The following IKZF3 variants were observed in gnomAD, a reference collection of about 807,000 sequenced individuals.
IKZF3 encodes the protein IKAROS family zinc finger 3.
A neutral mutation model predicts 49.0 loss-of-function variants in IKZF3; 10 were observed. The observed-to-expected ratio is 0.20, with a 90% CI of 0.13 to 0.35. The LOEUF (loss-of-function observed/expected upper bound fraction) is 0.35. Ranked by LOEUF, IKZF3 falls within the 10% of genes least tolerant of loss-of-function variation. The pLI is 1.00. For missense variants in IKZF3, 498 were observed against 664.8 expected (o/e 0.75, Z 2.76); for synonymous variants, 209 against 228.2 (o/e 0.92, Z 0.76).
At chr17:39,828,048 C>T (rs1349307668) in intron 3 of IKZF3, among the ~76,000 whole-genome samples, 3 of 152,012 alleles carry the variant, frequency 2.0e-5, no homozygotes, top group African/African-American at 7.2e-5. Context: ...TCTTTTTTTC[C>T]TTCCCTACAT....
At chr17:39,800,982 T>C (rs17607816) in intron 3 of IKZF3, among the ~76,000 whole-genome samples, 3,286 of 152,288 alleles carry the variant, frequency 0.022, 65 homozygotes, top group Non-Finnish European at 0.028. Context: ...TTGGAGAGCA[T>C]GTTGATACTA....
intron 3 of IKZF3, 45 bp downstream of exon 3, chr17:39,829,342 C>T: frequency 7.6e-7 from 1 of 1,321,068 alleles, no homozygotes; most frequent in Non-Finnish European, 1.1e-6. Context: ...TAAGCCTAAG[C>T]AATATCTACA....
At chr17:39,778,111 ATTC>A in intron 6 of IKZF3, 1 of 1,009,048 alleles carries the variant, frequency 9.9e-7, no homozygotes, top group Non-Finnish European at 1.2e-6. Flanking sequence ...CTTCTTTCTG[ATTC>A]TGAGTAACTG....
chr17:39,768,263 A>G (rs1250612573), intron 7 of IKZF3, among the ~76,000 whole-genome samples: 2 of 152,212 alleles, frequency 1.3e-5, no homozygotes, highest in African/African-American at 4.8e-5. Context: ...TGGGGAAGGG[A>G]AAGCATTCTT....
At chr17:39,846,851 A>G (rs2062647675) in intron 1 of IKZF3, among the ~76,000 whole-genome samples, 1 of 152,036 alleles carries the variant, frequency 6.6e-6, no homozygotes, top group African/African-American at 2.4e-5. Flanking sequence ...TTTTCCCAGT[A>G]GGAAGTATAA....
chr17:39,760,976 C>T lies in IKZF3; in HGVS notation c.*4814G>A, dbSNP rs747023676. ...GACTAGCCTGGGCAGTATGGCGAAA[C>T]GCCATCTCTGCAGAAAAATACAAAA... On this transcript the variant is annotated 3_prime_UTR_variant, in exon 8 of 8. Coordinates refer to ENST00000346872, the MANE Select transcript of IKZF3 (RefSeq NM_012481.5). 4 of 152,260 alleles carry T rather than the reference C, an allele frequency of 2.6e-5. No homozygotes were observed. The highest frequency in any genetic ancestry group is 2.1e-4 in the South Asian group (1 of 4,832). The allele number at this position is 152,260 out of a possible 1,614,324, so 9.4% of individuals were successfully genotyped here.
At chr17:39,808,053 T>C (rs1360964912) in intron 3 of IKZF3, among the ~76,000 whole-genome samples, 4 of 152,134 alleles carry the variant, frequency 2.6e-5, no homozygotes. Flanking sequence ...AAGAAATCTA[T>C]ACAGATAAAC....
chr17:39,841,182 A>AG (rs201280454), intron 1 of IKZF3, among the ~76,000 whole-genome samples: 5,321 of 152,044 alleles, frequency 0.035, 324 homozygotes, highest in African/African-American at 0.12. Context: ...CTGGAACAAA[A>AG]AAAAAAAGGC....
At position 39,777,818 on chromosome 17, in the gene IKZF3, G is replaced by T. The variant is rs370748325; in HGVS notation, c.710-51C>A. 18 of 1,582,828 alleles carry T rather than the reference G, an allele frequency of 1.1e-5. No individual in the cohort carries two copies. The East Asian group carries it at 2.2e-4, about 20-fold the overall frequency. Reference sequence around the variant, plus strand: ...GAGAGAAAAGAACACATTGGTACATGGGGAGAAAAGGAAATAAACTGGAAG... The same window carrying T: ...GAGAGAAAAGAACACATTGGTACATTGGGAGAAAAGGAAATAAACTGGAAG... On this transcript the variant is annotated intron_variant, in intron 6 of 7. Coordinates refer to ENST00000346872, the MANE Select transcript of IKZF3 (RefSeq NM_012481.5).
intron 3 of IKZF3, among the ~76,000 whole-genome samples, chr17:39,796,906 T>TCACACCCAAA (rs1475197084): frequency 6.6e-6 from 1 of 150,828 alleles, no homozygotes; most frequent in Non-Finnish European, 1.5e-5. Context: ...GGCTCACACC[T>TCACACCCAAA]GTAATTCCAG....
At chr17:39,842,619 A>G (rs1410786678) in intron 1 of IKZF3, among the ~76,000 whole-genome samples, 1 of 152,192 alleles carries the variant, frequency 6.6e-6, no homozygotes, top group Non-Finnish European at 1.5e-5. Flanking sequence ...TGGGAAAAAA[A>G]CAGAAATTCA....
chr17:39,858,804 T>TTTG (rs951111102), intron 1 of IKZF3, among the ~76,000 whole-genome samples: 11 of 151,914 alleles, frequency 7.2e-5, no homozygotes, highest in South Asian at 6.2e-4. Context: ...ACTTACATTT[T>TTTG]TTGTTGTTGT....
chr17:39,848,898 G>C (rs570723785), intron 1 of IKZF3, among the ~76,000 whole-genome samples: 1 of 152,166 alleles, frequency 6.6e-6, no homozygotes, highest in East Asian at 1.9e-4. Context: ...GCCCAGGCTG[G>C]TTTTAAACTC....
At chr17:39,813,528 C>T (rs2061609843) in intron 3 of IKZF3, among the ~76,000 whole-genome samples, 1 of 151,604 alleles carries the variant, frequency 6.6e-6, no homozygotes, top group Non-Finnish European at 1.5e-5. Flanking sequence ...ACTGTAGTCA[C>T]AGCTACTCTG....
chr17:39,778,289 G>T, intron 6 of IKZF3: 1 of 626,104 alleles, frequency 1.6e-6, no homozygotes, highest in Non-Finnish European at 2.0e-6. Flanking sequence ...ATTCTGAGTG[G>T]TTTCTTTCTT....
At chr17:39,863,709 T>C (rs2063279338) in intron 1 of IKZF3, among the ~76,000 whole-genome samples, 1 of 152,126 alleles carries the variant, frequency 6.6e-6, no homozygotes, top group African/African-American at 2.4e-5. Flanking sequence ...TATGACACCA[T>C]TTACCCTTGG....
rs1218087826 is a variant in IKZF3, at chr17:39,848,528, T to C, written c.7+15592A>G. 3.3e-5 allele frequency among the ~76,000 whole-genome samples: 5 copies of C among 152,232 alleles called. No homozygotes were observed. The East Asian group carries it at 7.7e-4, about 23-fold the overall frequency. Reference sequence around the variant, plus strand: ...GAAATGAAGACTTGTTTTATAACTGTAAAATGCCTAGTTTTATAACTGTAA... The same window carrying C: ...GAAATGAAGACTTGTTTTATAACTGCAAAATGCCTAGTTTTATAACTGTAA... On this transcript the variant is annotated intron_variant, in intron 1 of 7. Coordinates refer to ENST00000346872, the MANE Select transcript of IKZF3 (RefSeq NM_012481.5).
chr17:39,776,008 C>T (rs1462599626), intron 7 of IKZF3, among the ~76,000 whole-genome samples: 1 of 152,078 alleles, frequency 6.6e-6, no homozygotes, highest in Non-Finnish European at 1.5e-5. Flanking sequence ...GATGTCCCTC[C>T]TCTTGTCGGC....
At chr17:39,808,466 A>T (rs770730495) in intron 3 of IKZF3, among the ~76,000 whole-genome samples, 1 of 152,240 alleles carries the variant, frequency 6.6e-6, no homozygotes, top group African/African-American at 2.4e-5. Flanking sequence ...GCTAAAATTC[A>T]TAAGGATCCA....
Sources: allele counts gnomAD v4.1 joint callset (sites outside exome capture counted in the v4.1 genomes callset), GRCh38; gene constraint gnomAD v4.1.1; transcripts MANE v1.5; gene names NCBI Gene and HGNC (gene_info 2026-07-23, HGNC 2026-07-21).